The following CNTN1 variants were observed in gnomAD, a reference collection of about 807,000 sequenced individuals.
CNTN1 encodes contactin 1, also known as contactin-1.
A neutral mutation model predicts 126.4 loss-of-function variants in CNTN1; 38 were observed. The observed-to-expected ratio is 0.30, with a 90% confidence interval of 0.23 to 0.39. The LOEUF (loss-of-function observed/expected upper bound fraction) is 0.39, where lower values mean the gene tolerates loss of function less well. Ranked by LOEUF, CNTN1 falls within the 10% of genes least tolerant of loss-of-function variation. CNTN1 has a pLI of 1.00. For synonymous variants in CNTN1, 413 were observed against 422.6 expected, an observed-to-expected ratio of 0.98 and a Z score of 0.28; for missense variants, 1,009 against 1,248.4, an observed-to-expected ratio of 0.81 and a Z score of 2.89.
chr12:41,016,961 G>A (rs56236911), intron 19 of CNTN1, 45 bp downstream of exon 19: 11 of 1,490,978 alleles, frequency 7.4e-6, no homozygotes, highest in Admixed American at 6.7e-5. Context: ...GAGGAAAAAC[G>A]TATTTCTCTA....
chr12:40,833,726 A>G (rs1941945554), intron 1 of CNTN1, among the ~76,000 whole-genome samples: 1 of 152,184 alleles, frequency 6.6e-6, no homozygotes, highest in South Asian at 2.1e-4. Flanking sequence ...TGAATGGGCA[A>G]TTAGAAGTTT....
At chr12:41,028,645 A>G (rs908486106) in intron 22 of CNTN1, among the ~76,000 whole-genome samples, 2 of 152,312 alleles carry the variant, frequency 1.3e-5, no homozygotes, top group Non-Finnish European at 2.9e-5. Context: ...TATATTCTTT[A>G]TATCACACAC....
chr12:41,008,990 G>C (rs551059188), intron 17 of CNTN1, among the ~76,000 whole-genome samples: 3 of 152,286 alleles, frequency 2.0e-5, no homozygotes, highest in African/African-American at 7.2e-5. Flanking sequence ...CTTATGCCTG[G>C]AGTGAGAGAC....
At chr12:40,851,554 T>C (rs1470042412) in intron 1 of CNTN1, among the ~76,000 whole-genome samples, 4 of 152,210 alleles carry the variant, frequency 2.6e-5, no homozygotes, top group Non-Finnish European at 5.9e-5. Context: ...ATGCTCATTT[T>C]TGTTAAAACA....
chr12:40,763,262 C>G (rs1303147295), intron 1 of CNTN1: 1 of 152,204 alleles, frequency 6.6e-6, no homozygotes, highest in Non-Finnish European at 1.5e-5. Context: ...ACCCAGCCAC[C>G]TTTATGGCAG....
chr12:40,850,435 G>A (rs1213328993), intron 1 of CNTN1, among the ~76,000 whole-genome samples: 3 of 152,002 alleles, frequency 2.0e-5, no homozygotes, highest in Non-Finnish European at 4.4e-5. Context: ...TCCAGAAGGA[G>A]TTTTGGTAAA....
chr12:40,700,961 A>C (rs1941579663), intron 1 of CNTN1, among the ~76,000 whole-genome samples: 1 of 152,190 alleles, frequency 6.6e-6, no homozygotes, highest in African/African-American at 2.4e-5. Flanking sequence ...AGATCAGGGA[A>C]GTTAGTTATT....
At chr12:41,014,020 T>C (rs140286047) in intron 17 of CNTN1, among the ~76,000 whole-genome samples, 82 of 152,336 alleles carry the variant, frequency 5.4e-4, no homozygotes, top group African/African-American at 1.9e-3. Flanking sequence ...TGGCACCAAA[T>C]CAATTTTTAT....
chr12:40,701,547 G>C (rs1210798709), intron 1 of CNTN1, among the ~76,000 whole-genome samples: 1 of 152,022 alleles, frequency 6.6e-6, no homozygotes, highest in East Asian at 1.9e-4. Context: ...GCTGTTTACT[G>C]TAATAGAATT....
chr12:41,067,971 G>A (rs1950082485), intron 23 of CNTN1, among the ~76,000 whole-genome samples: 1 of 152,182 alleles, frequency 6.6e-6, no homozygotes, highest in Non-Finnish European at 1.5e-5. Context: ...AACAGTTTAT[G>A]TGTTAGCTTT....
chr12:40,914,905 T>TA (rs1395831290), intron 3 of CNTN1, among the ~76,000 whole-genome samples: 2 of 152,120 alleles, frequency 1.3e-5, no homozygotes, highest in Admixed American at 1.3e-4. Context: ...ATTCCTTATA[T>TA]ATAGGAATAA....
intron 17 of CNTN1, among the ~76,000 whole-genome samples, chr12:41,006,231 T>A (rs2120650903): frequency 6.6e-6 from 1 of 152,328 alleles, no homozygotes. Flanking sequence ...TCTGGGGGAC[T>A]CATATTAGGC....
In CNTN1 at chr12:40,819,947, C is replaced by T. The variant is rs1270593621; in HGVS notation, c.-76-88410C>T. Among the ~76,000 whole-genome samples the T allele has an allele frequency of 6.6e-5, 10 of 152,226 alleles. No individual in the cohort carries two copies. In the East Asian group the frequency reaches 7.7e-4, roughly 12 times the overall value. On this transcript the variant is annotated intron_variant, in intron 1 of 23. Transcript: ENST00000551295. ...CTTGTGTCGTTCTCAGGTTGGCTGCCGCACCACACTGTTCTTTCTTCTCTC... is the reference window on the plus strand; with the variant it reads ...CTTGTGTCGTTCTCAGGTTGGCTGCTGCACCACACTGTTCTTTCTTCTCTC...
intron 1 of CNTN1, among the ~76,000 whole-genome samples, chr12:40,825,812 G>C (rs12814216): frequency 0.14 from 20,897 of 152,024 alleles, 1,635 homozygotes; most frequent in Middle Eastern, 0.21. Flanking sequence ...ATTTTCGTCT[G>C]TTCTAGGATG....
intron 13 of CNTN1, 123 bp downstream of exon 13, chr12:40,943,847 T>C (rs2136951589): frequency 7.1e-7 from 1 of 1,409,300 alleles, no homozygotes; most frequent in Non-Finnish European, 9.8e-7. Flanking sequence ...GCAAGTTTCT[T>C]GCTTGATGAT....
chr12:40,857,971 A>G (rs552343182), intron 1 of CNTN1, among the ~76,000 whole-genome samples: 4 of 152,188 alleles, frequency 2.6e-5, no homozygotes, highest in Non-Finnish European at 4.4e-5. Context: ...GGTTATCTCA[A>G]TTTCTTTGGG....
intron 4 of CNTN1, 44 bp from the exon 5 acceptor site, chr12:40,922,212 G>C: frequency 6.4e-7 from 1 of 1,562,802 alleles, no homozygotes; most frequent in East Asian, 2.2e-5. Flanking sequence ...AGAGTTTCTA[G>C]GTCTCATGAC....
At chr12:40,849,191 G>A (rs1942627902) in intron 1 of CNTN1, among the ~76,000 whole-genome samples, 1 of 152,046 alleles carries the variant, frequency 6.6e-6, no homozygotes, top group Non-Finnish European at 1.5e-5. Flanking sequence ...TTGTCAAACT[G>A]CTCATGAAGT....
chr12:40,802,771 A>G (rs1356003249), intron 1 of CNTN1, among the ~76,000 whole-genome samples: 2 of 151,986 alleles, frequency 1.3e-5, no homozygotes, highest in South Asian at 2.1e-4. Flanking sequence ...AGCTTTGCCT[A>G]TCTTTTCAAA....
Sources: allele counts gnomAD v4.1 joint callset (sites outside exome capture counted in the v4.1 genomes callset), GRCh38; gene constraint gnomAD v4.1.1; transcripts MANE v1.5; gene names NCBI Gene and HGNC (gene_info 2026-07-23, HGNC 2026-07-21).